The following AGMO variants were observed in gnomAD, a reference collection of about 807,000 sequenced individuals.
The protein encoded by AGMO is alkylglycerol monooxygenase.
AGMO carries 75 observed loss-of-function variants against 60.2 expected under a neutral mutation model. That is an observed-to-expected ratio of 1.25 (90% CI 1.03 to 1.51). The LOEUF (loss-of-function observed/expected upper bound fraction) is 1.51, where lower values mean the gene tolerates loss of function less well. AGMO is among the 40% of genes most tolerant of loss of function. The pLI is 0.00. For synonymous variants in AGMO, 261 were observed against 177.1 expected (o/e 1.47, Z -3.76); for missense variants, 763 against 525.5 (o/e 1.45, Z -4.42).
chr7:15,522,077 C>T (rs1784009666), intron 3 of AGMO, among the ~76,000 whole-genome samples: 1 of 152,138 alleles, frequency 6.6e-6, no homozygotes, highest in African/African-American at 2.4e-5. Context: ...AGAGCCAAAT[C>T]ATGAGTGAAC....
intron 3 of AGMO, among the ~76,000 whole-genome samples, chr7:15,471,014 T>C (rs1236407495): frequency 6.6e-6 from 1 of 151,974 alleles, no homozygotes; most frequent in African/African-American, 2.4e-5. Flanking sequence ...TAAGTACTCA[T>C]GGAGATACAT....
intron 12 of AGMO, among the ~76,000 whole-genome samples, chr7:15,250,953 A>G (rs148409504): frequency 1.3e-5 from 2 of 151,236 alleles, no homozygotes; most frequent in Admixed American, 6.6e-5. Flanking sequence ...CTCAAAAAAA[A>G]AAATATATAT....
At chr7:15,145,151 T>C in the AGMO span, among the ~76,000 whole-genome samples, 8 of 152,140 alleles carry the variant, frequency 5.3e-5, no homozygotes, top group African/African-American at 4.8e-5. Context: ...TTTTCATCAA[T>C]AGCGTCAAAA....
rs750080793 is a variant in AGMO at position 15,366,213 on chromosome 7, G to C, written c.1084C>G (p.Gln362Glu). 1 of 1,604,378 alleles carries C rather than the reference G, an allele frequency of 6.2e-7. No homozygotes were observed. The highest frequency in any genetic ancestry group is 1.7e-5 in the Admixed American group (1 of 59,482). Reference protein sequence around the residue: ...ETFADTAALSQVTLLLRVCFI... With the variant: ...ETFADTAALSEVTLLLRVCFI... The stretch of plus-strand genomic sequence containing the variant: ...CAAACCCTCAGAAGGAGAGTAACTT[G>C]CGACAGTGCCTGTCAAACAAACACG... The change falls in exon 11 of 13, where the codon CAA becomes GAA. Residue 362 changes from glutamine to glutamate, a missense_variant. Physicochemically the swap from Gln to Glu is conservative, Grantham distance 29. Coordinates refer to ENST00000342526, the MANE Select transcript of AGMO (RefSeq NM_001004320.2).
At chr7:15,299,830 T>TACACAC (rs756832586) in intron 12 of AGMO, among the ~76,000 whole-genome samples, 707 of 48,110 alleles carry the variant, frequency 0.015, 8 homozygotes, top group African/African-American at 0.037. Flanking sequence ...TCTGTCTACA[T>TACACAC]ACACACACAC....
At position 15,556,439 on chromosome 7, in the gene AGMO, C is replaced by A. The variant is rs940202890; in HGVS notation, c.257+3702G>T. ...CTTAAATTATCCCTCTAACCTATTG[C>A]AATTTGATTTATAATCTGCTGTTTC... On this transcript the variant is annotated intron_variant, in intron 2 of 12. Coordinates refer to ENST00000342526, the MANE Select transcript of AGMO (RefSeq NM_001004320.2). 8.6e-5 allele frequency among the ~76,000 whole-genome samples: 13 copies of A among 151,944 alleles called. 1 individual carries two copies. The highest frequency in any genetic ancestry group is 7.9e-4 in the Admixed American group (12 of 15,214).
chr7:15,410,677 AT>A (rs1045188675), intron 5 of AGMO, among the ~76,000 whole-genome samples: 1 of 151,898 alleles, frequency 6.6e-6, no homozygotes, highest in Non-Finnish European at 1.5e-5. Context: ...TGCTGAAAAC[AT>A]TTTTTAGTAC....
Position 15,385,487 on chromosome 7 carries a change from G to A in AGMO, c.1033C>T (p.Leu345=), listed in dbSNP as rs146527477. The change falls in exon 10 of 13, where the codon CTG becomes TTG. Residue 345 remains leucine, a synonymous_variant. Coordinates refer to ENST00000342526, the MANE Select transcript of AGMO (RefSeq NM_001004320.2). ...LKIYTVVQFA[L]MLAFYEETFA... ...GTCTCTTCATAAAATGCCAACATCA[G>A]AGCAAACTGTACAACTGTATATATC... The A allele has an allele frequency of 1.2e-6, 2 of 1,612,706 alleles. No individual in the cohort carries two copies. The highest frequency in any genetic ancestry group is 1.7e-6 in the Non-Finnish European group (2 of 1,179,052).
intron 3 of AGMO, among the ~76,000 whole-genome samples, chr7:15,432,444 A>G (rs1448068283): frequency 6.7e-6 from 1 of 150,320 alleles, no homozygotes; most frequent in Non-Finnish European, 1.5e-5. Context: ...GTCTGTATAG[A>G]GAATTACCAA....
chr7:15,173,801 GT>G, the AGMO span, among the ~76,000 whole-genome samples: 11 of 142,684 alleles, frequency 7.7e-5, no homozygotes, highest in East Asian at 4.1e-4. Context: ...TTAAAGAAAG[GT>G]TTTTTTTTTG....
intron 4 of AGMO, among the ~76,000 whole-genome samples, chr7:15,426,561 C>A (rs527294608): frequency 6.9e-4 from 105 of 152,128 alleles, no homozygotes; most frequent in African/African-American, 2.5e-3. Context: ...CCAGCCTGGG[C>A]AACATGGCAA....
chr7:15,137,630 T>C, the AGMO span, among the ~76,000 whole-genome samples: 4 of 152,116 alleles, frequency 2.6e-5, no homozygotes, highest in East Asian at 7.7e-4. Flanking sequence ...TGGAAGATAA[T>C]GGATGGGTTG....
rs6967224 is a variant in AGMO, at chr7:15,342,379, A to G, written c.1263+23135T>C. On this transcript the variant is annotated intron_variant, in intron 12 of 12. Transcript: ENST00000342526. ...TCCAAAATTAAATTGAAATGAATTC[A>G]TAAGTGTCTTCCAAATTCTTCTCTA... Among the ~76,000 whole-genome samples the G allele has an allele frequency of 7.6e-3, 1,162 of 152,092 alleles. 10 individuals carry two copies. The highest frequency in any genetic ancestry group is 0.026 in the African/African-American group (1,092 of 41,488).
At chr7:15,484,777 A>G (rs1782867976) in intron 3 of AGMO, among the ~76,000 whole-genome samples, 1 of 152,140 alleles carries the variant, frequency 6.6e-6, no homozygotes, top group Admixed American at 6.6e-5. Context: ...AGCATTTCTA[A>G]AATTATATGA....
intron 3 of AGMO, among the ~76,000 whole-genome samples, chr7:15,486,976 T>G (rs946701404): frequency 1.3e-5 from 2 of 152,184 alleles, no homozygotes; most frequent in Non-Finnish European, 1.5e-5. Flanking sequence ...AGGCGCATCC[T>G]CCACCCCTTC....
chr7:15,349,604 C>T (rs78168619), intron 12 of AGMO, among the ~76,000 whole-genome samples: 12 of 152,006 alleles, frequency 7.9e-5, no homozygotes, highest in South Asian at 2.1e-4. Flanking sequence ...AATTAATATA[C>T]AAATGGTGTA....
At chr7:15,161,648 C>A in the AGMO span, among the ~76,000 whole-genome samples, 4 of 145,864 alleles carry the variant, frequency 2.7e-5, no homozygotes, top group African/African-American at 7.5e-5. Context: ...ATATATATAT[C>A]ATATATAATC....
At position 15,561,877 on chromosome 7, in the gene AGMO, T is replaced by C. The variant is rs757948224; in HGVS notation, c.-32A>G. The C allele has an allele frequency of 1.3e-6, 2 of 1,573,696 alleles. No homozygotes were observed. The highest frequency in any genetic ancestry group is 2.3e-5 in the South Asian group (2 of 86,424). Reference sequence around the variant, plus strand: ...CCTTGTCTGATTCCCAGCTGGAGAATATTTAGGATTCAATGCTTGAAGCCT... The same window carrying C: ...CCTTGTCTGATTCCCAGCTGGAGAACATTTAGGATTCAATGCTTGAAGCCT... On this transcript the variant is annotated 5_prime_UTR_variant, in exon 1 of 13. It adds an upstream start codon to the 5' untranslated region. Transcript: ENST00000342526.
chr7:15,374,315 G>C (rs985558344), intron 10 of AGMO, among the ~76,000 whole-genome samples: 2 of 152,034 alleles, frequency 1.3e-5, no homozygotes, highest in African/African-American at 4.8e-5. Flanking sequence ...ACATTTGCTA[G>C]AATTTCAAGC....
Sources: gnomAD v4.1 joint callset for allele counts (sites outside exome capture counted in the v4.1 genomes callset) on GRCh38, gnomAD v4.1.1 for gene constraint, MANE v1.5 for transcripts, NCBI Gene and HGNC (gene_info 2026-07-23, HGNC 2026-07-21) for gene names.